Variants in TRIP12 observed in about 807,000 individuals in gnomAD.
TRIP12 encodes the protein E3 ubiquitin-protein ligase TRIP12.
A neutral mutation model predicts 244.2 loss-of-function variants in TRIP12; 25 were observed. The observed-to-expected ratio is 0.10, with a 90% CI of 0.07 to 0.14. The LOEUF (loss-of-function observed/expected upper bound fraction) is 0.14, where lower values mean the gene tolerates loss of function less well. TRIP12 is among the 10% of genes least tolerant of loss of function. The pLI, the probability that TRIP12 is intolerant of heterozygous loss-of-function variation, is 1.00. For synonymous variants in TRIP12, 905 were observed against 873.1 expected, an observed-to-expected ratio of 1.04 and a Z score of -0.64; for missense variants, 1,677 against 2,486.4, an observed-to-expected ratio of 0.67 and a Z score of 6.92.
intron 15 of TRIP12, among the ~76,000 whole-genome samples, chr2:229,809,774 C>A (rs952568923): frequency 6.6e-6 from 1 of 152,146 alleles, no homozygotes; most frequent in Non-Finnish European, 1.5e-5. Context: ...GAGAATCTTT[C>A]CAAGTAGCCA....
chr2:229,865,811 A>G (rs945830754), intron 2 of TRIP12, among the ~76,000 whole-genome samples: 3 of 152,210 alleles, frequency 2.0e-5, no homozygotes, highest in African/African-American at 7.2e-5. Context: ...GTAACTCACT[A>G]ATGTTCCCTG....
chr2:229,922,670 G>A (rs547549631), upstream of TRIP12: 315 of 1,559,070 alleles, frequency 2.0e-4, no homozygotes, highest in African/African-American at 3.4e-3. Context: ...GTTGGGGCCC[G>A]GGACGCAGGC....
intron 2 of TRIP12, among the ~76,000 whole-genome samples, chr2:229,875,388 G>GA (rs2063402859): frequency 6.6e-6 from 1 of 152,102 alleles, no homozygotes; most frequent in East Asian, 1.9e-4. Context: ...CAGAGGTTTA[G>GA]AAAAAAACAG....
intron 39 of TRIP12, among the ~76,000 whole-genome samples, chr2:229,770,143 T>A (rs2033686496): frequency 6.6e-6 from 1 of 152,196 alleles, no homozygotes; most frequent in South Asian, 2.1e-4. Context: ...GCTAATTATT[T>A]TTTTTATTTT....
intron 1 of TRIP12, among the ~76,000 whole-genome samples, chr2:229,905,953 T>C (rs1560277327): frequency 6.6e-6 from 1 of 152,242 alleles, no homozygotes; most frequent in African/African-American, 2.4e-5. Context: ...TTACAGTGCA[T>C]TCAGAACATT....
At chr2:229,838,523 A>T (rs1031663680) in intron 5 of TRIP12, among the ~76,000 whole-genome samples, 3 of 152,220 alleles carry the variant, frequency 2.0e-5, no homozygotes, top group Non-Finnish European at 4.4e-5. Context: ...GTAATTTCGC[A>T]CGTGCTAATT....
chr2:229,854,795 A>G (rs1029106834), intron 4 of TRIP12, among the ~76,000 whole-genome samples: 2 of 152,210 alleles, frequency 1.3e-5, no homozygotes, highest in Non-Finnish European at 2.9e-5. Context: ...AAACCTACCC[A>G]GACTGAGCTT....
chr2:229,841,402 T>A (rs943214359), intron 4 of TRIP12, among the ~76,000 whole-genome samples: 5 of 152,196 alleles, frequency 3.3e-5, no homozygotes, highest in African/African-American at 1.2e-4. Flanking sequence ...GAAAGGTACA[T>A]GCACTTGGAC....
intron 1 of TRIP12, among the ~76,000 whole-genome samples, chr2:229,909,388 CAAA>C (rs1304379037): frequency 7.1e-6 from 1 of 141,516 alleles, no homozygotes. Flanking sequence ...TCCACACACA[CAAA>C]AAAAAAAAAT....
At chr2:229,824,490 C>T (rs1234245484) in intron 8 of TRIP12, among the ~76,000 whole-genome samples, 1 of 152,094 alleles carries the variant, frequency 6.6e-6, no homozygotes, top group Admixed American at 6.5e-5. Context: ...ACGAAAGCTA[C>T]ATTTCACTGA....
chr2:229,793,934 A>T (rs1026789735), intron 26 of TRIP12, among the ~76,000 whole-genome samples: 1 of 152,088 alleles, frequency 6.6e-6, no homozygotes, highest in South Asian at 2.1e-4. Context: ...AATATAGCCC[A>T]GGGAAGCCAA....
chr2:229,862,008 CT>C (rs1222152681), intron 2 of TRIP12, among the ~76,000 whole-genome samples: 5 of 152,130 alleles, frequency 3.3e-5, no homozygotes, highest in Admixed American at 3.3e-4. Context: ...CTAAGCTGAA[CT>C]TTGTAAGATT....
chr2:229,902,851 GCAAC>G (rs1462304438), intron 1 of TRIP12, among the ~76,000 whole-genome samples: 1 of 152,178 alleles, frequency 6.6e-6, no homozygotes. Context: ...CACAGCTCAT[GCAAC>G]TTACTTCAGT....
chr2:229,884,311 AC>A (rs778333906), intron 1 of TRIP12, among the ~76,000 whole-genome samples: 3 of 135,884 alleles, frequency 2.2e-5, no homozygotes, highest in Non-Finnish European at 3.0e-5. Flanking sequence ...ATCTCGGCTC[AC>A]TGTAACCTCC....
chr2:229,828,313 C>A (rs2052310349), intron 8 of TRIP12, among the ~76,000 whole-genome samples: 1 of 150,946 alleles, frequency 6.6e-6, no homozygotes, highest in South Asian at 2.1e-4. Flanking sequence ...AAAATCAATA[C>A]CCTTAGGGAC....
At chr2:229,828,976 T>C (rs1228261487) in intron 8 of TRIP12, among the ~76,000 whole-genome samples, 1 of 152,216 alleles carries the variant, frequency 6.6e-6, no homozygotes, top group Admixed American at 6.5e-5. Context: ...TTGAGATTCT[T>C]TATTCTTATT....
chr2:229,908,435 G>A (rs1181139401), intron 1 of TRIP12, among the ~76,000 whole-genome samples: 3 of 152,086 alleles, frequency 2.0e-5, no homozygotes, highest in Non-Finnish European at 4.4e-5. Context: ...TCCGCGTAAC[G>A]TCTCACAATT....
chr2:229,805,966 G>A (rs950611925), intron 17 of TRIP12, 83 bp from the exon 18 acceptor site: 13 of 1,115,028 alleles, frequency 1.2e-5, no homozygotes, highest in African/African-American at 7.8e-5. Flanking sequence ...CTCCAAATAT[G>A]CTATCTTACA....
intron 1 of TRIP12, among the ~76,000 whole-genome samples, chr2:229,900,178 T>A (rs2070260041): frequency 6.6e-6 from 1 of 152,236 alleles, no homozygotes. Context: ...CATGTTTGCT[T>A]TAGTTGAACT....
Sources: gnomAD v4.1 joint callset for allele counts (sites outside exome capture counted in the v4.1 genomes callset) on GRCh38, gnomAD v4.1.1 for gene constraint, MANE v1.5 for transcripts, NCBI Gene and HGNC (gene_info 2026-07-23, HGNC 2026-07-21) for gene names.